HTATIP2: variants seen among roughly 807,000 people sequenced by gnomAD.
The protein encoded by HTATIP2 is protein HTATIP2.
A neutral mutation model predicts 24.7 loss-of-function variants in HTATIP2; 26 were observed. The ratio of observed to expected loss-of-function variants is 1.05; its 90% CI spans 0.77 to 1.46. The LOEUF is 1.46. Among genes scored for constraint, HTATIP2 ranks in the 40% most tolerant of loss-of-function variants. The pLI is 0.00. For synonymous variants in HTATIP2, 99 were observed against 113.2 expected (o/e 0.87, Z 0.79); for missense variants, 284 against 289.6 (o/e 0.98, Z 0.14).
At chr11:20,381,571 CAAG>C (rs1348839865) in intron 3 of HTATIP2, among the ~76,000 whole-genome samples, 1 of 151,916 alleles carries the variant, frequency 6.6e-6, no homozygotes, top group African/African-American at 2.4e-5. Context: ...ACACACAGGC[CAAG>C]AAGGAGGCGT....
chr11:20,365,202 T>A (rs897632786), intron 1 of HTATIP2, among the ~76,000 whole-genome samples: 1 of 152,124 alleles, frequency 6.6e-6, no homozygotes, highest in Non-Finnish European at 1.5e-5. Context: ...TTGGCCAGGC[T>A]GGTCTCGAAC....
In HTATIP2 at chr11:20,364,232, C is replaced by T. The variant is rs751294106; in HGVS notation, c.-6C>T. ...GACCGGCATCTGTCGATGTTATTTC[C>T]CCAGCATGGCCGAAACAGAAGCCCT... On this transcript the variant is annotated 5_prime_UTR_variant, in exon 1 of 5. Coordinates refer to ENST00000451739, the MANE Select transcript of HTATIP2 (RefSeq NM_001098522.2). 1.0e-5 allele frequency: 16 copies of T among 1,592,794 alleles called. No homozygotes were observed. The highest frequency in any genetic ancestry group is 1.4e-5 in the Non-Finnish European group (16 of 1,165,490).
Position 20,383,158 on chromosome 11 carries a change from A to T in HTATIP2, c.682A>T (p.Lys228Ter). The T allele has an allele frequency of 6.2e-7, 1 of 1,614,034 alleles. No individual in the cohort carries two copies. Among genetic ancestry groups the T allele is most frequent in the Non-Finnish European group, 8.5e-7 (1 of 1,179,988 alleles). ...RDKQMELLEN[K>*]AIHDLGKAHG... ...CAAGCAGATGGAACTGCTGGAGAAC[A>T]AGGCCATCCATGACCTGGGGAAAGC... Residue 228 changes from lysine to a stop codon, truncating the protein, a stop_gained, in exon 5 of 5, where the codon AAG becomes TAG. Coordinates refer to ENST00000451739, the MANE Select transcript of HTATIP2 (RefSeq NM_001098522.2). LOFTEE classifies it high-confidence loss of function.
At chr11:20,372,705 G>C (rs1425110458) in intron 2 of HTATIP2, among the ~76,000 whole-genome samples, 1 of 152,160 alleles carries the variant, frequency 6.6e-6, no homozygotes, top group East Asian at 1.9e-4. Context: ...TCTAAAAATT[G>C]TGTTTCTGAG....
At chr11:20,376,426 C>T in intron 2 of HTATIP2, 154 bp from the exon 3 acceptor site, 1 of 807,140 alleles carries the variant, frequency 1.2e-6, no homozygotes, top group South Asian at 1.6e-5. Context: ...GAGCCTTTCC[C>T]AGGGTCTAAG....
At position 20,382,936 on chromosome 11, in the gene HTATIP2, C is replaced by T. The variant is rs748711136; in HGVS notation, c.504-44C>T. 6 of 1,472,838 alleles carry T rather than the reference C, an allele frequency of 4.1e-6. No individual in the cohort carries two copies. The East Asian group carries it at 1.2e-4, about 30-fold the overall frequency. The allele number at this position is 1,472,838 out of a possible 1,614,324, so 91.2% of individuals were successfully genotyped here. A position where few individuals can be genotyped will look rare whatever the true frequency, so the allele number is the denominator to read the frequency against. On this transcript the variant is annotated intron_variant, in intron 4 of 4. Transcript: ENST00000451739. ...CTGTGGTCTCAGTGCAATTTACCAC[C>T]TCTTCCTCTGCTTTTCTTTCTTTTT... is the stretch of plus-strand genomic sequence containing the variant.
rs995652502 is a variant in HTATIP2, at chr11:20,364,181, G to A, written c.-57G>A. 3.9e-6 allele frequency: 6 copies of A among 1,535,546 alleles called. No individual in the cohort carries two copies. The highest frequency in any genetic ancestry group is 5.3e-6 in the Non-Finnish European group (6 of 1,138,178). ...AAACAGCCCTTGTTCCTCGGGATAA[G>A]GACTGGCAGTCCCCTGACACCCTAA... On this transcript the variant is annotated 5_prime_UTR_variant, in exon 1 of 5. Coordinates refer to ENST00000451739, the MANE Select transcript of HTATIP2 (RefSeq NM_001098522.2).
At chr11:20,382,819 C>A (rs1469473200) in intron 4 of HTATIP2, among the ~76,000 whole-genome samples, 161 bp from the exon 5 acceptor site, 1 of 112,210 alleles carries the variant, frequency 8.9e-6, no homozygotes, top group East Asian at 2.2e-4. Flanking sequence ...TAATTACTTC[C>A]CTTAATGCCT....
chr11:20,377,699 G>C (rs1194936514), intron 3 of HTATIP2, among the ~76,000 whole-genome samples: 1 of 152,140 alleles, frequency 6.6e-6, no homozygotes, highest in Admixed American at 6.5e-5. Flanking sequence ...TTACTATCTC[G>C]TTAGCCAACT....
chr11:20,382,342 T>A, intron 4 of HTATIP2, 103 bp downstream of exon 4: 1 of 689,710 alleles, frequency 1.4e-6, no homozygotes, highest in South Asian at 1.8e-5. Flanking sequence ...ATCTAAGATA[T>A]GAAAGACATT....
intron 2 of HTATIP2, among the ~76,000 whole-genome samples, chr11:20,370,860 A>C (rs2133268705): frequency 6.6e-6 from 1 of 152,292 alleles, no homozygotes; most frequent in South Asian, 2.1e-4. Context: ...CGTGTTAGCC[A>C]GGATGGTCTC....
intron 2 of HTATIP2, among the ~76,000 whole-genome samples, chr11:20,370,552 A>G (rs550459939): frequency 6.6e-6 from 1 of 152,274 alleles, no homozygotes; most frequent in African/African-American, 2.4e-5. Context: ...TTAGAACCTT[A>G]TGGCTTCTGA....
intron 1 of HTATIP2, among the ~76,000 whole-genome samples, chr11:20,366,451 G>C (rs2064707796): frequency 6.6e-6 from 1 of 152,094 alleles, no homozygotes; most frequent in Admixed American, 6.6e-5. Context: ...TGACAGTAAG[G>C]ATGGAAACCA....
chr11:20,364,302 T>G lies in HTATIP2; in HGVS notation c.65T>G (p.Phe22Cys). The part of the protein sequence containing the change: ...EDFRMQNKSV[F>C]ILGASGETGR... ...TTCAGGATGCAGAATAAATCCGTCT[T>G]TATTTTGGGCGCCAGCGGAGAAACC... The change falls in exon 1 of 5, where the codon TTT becomes TGT. Residue 22 changes from phenylalanine (F) to cysteine (C), a missense_variant. Transcript: ENST00000451739. 5.6e-6 allele frequency: 9 copies of G among 1,613,852 alleles called. No individual in the cohort carries two copies. The highest frequency in any genetic ancestry group is 7.6e-6 in the Non-Finnish European group (9 of 1,179,780).
chr11:20,370,007 T>C (rs2064754659), intron 2 of HTATIP2, among the ~76,000 whole-genome samples: 1 of 152,196 alleles, frequency 6.6e-6, no homozygotes, highest in African/African-American at 2.4e-5. Flanking sequence ...GTTCAGTCAA[T>C]GCACTGGCTC....
At position 20,382,961 on chromosome 11, in the gene HTATIP2, T is replaced by TTC; in HGVS notation, c.504-18_504-17insCT. 1.8e-6 allele frequency: 2 copies of TTC among 1,136,568 alleles called. No homozygotes were observed. The highest frequency in any genetic ancestry group is 2.5e-6 in the Non-Finnish European group (2 of 812,934). 70.4% of individuals were successfully genotyped at this position (1,136,568 alleles called of 1,614,324 possible). Reference sequence around the variant, plus strand: ...CTCTTCCTCTGCTTTTCTTTCTTTTTTTTTTTTTTTTATTTTAGAGTTCTG... The same window carrying TTC: ...CTCTTCCTCTGCTTTTCTTTCTTTTTTCTTTTTTTTTTTATTTTAGAGTTCTG... On this transcript the variant is annotated intron_variant, in intron 4 of 4. Coordinates refer to ENST00000451739, the MANE Select transcript of HTATIP2 (RefSeq NM_001098522.2).
chr11:20,371,385 A>G lies in HTATIP2; in HGVS notation c.303+4104A>G, dbSNP rs146084806. Among the ~76,000 whole-genome samples the G allele has an allele frequency of 2.3e-3, 357 of 152,206 alleles. 2 individuals are homozygous for G. Among genetic ancestry groups the G allele is most frequent in the African/African-American group, 8.3e-3 (345 of 41,520 alleles). ...TCAGAAGGAGGTGACCAGTGAACCC[A>G]CCTTCCTACTGCAAAATTCTTAAAC... On this transcript the variant is annotated intron_variant, in intron 2 of 4. Coordinates refer to ENST00000451739, the MANE Select transcript of HTATIP2 (RefSeq NM_001098522.2).
At chr11:20,380,818 A>C (rs1478139066) in intron 3 of HTATIP2, among the ~76,000 whole-genome samples, 1 of 152,218 alleles carries the variant, frequency 6.6e-6, no homozygotes. Context: ...AAAATGTGAT[A>C]TATTCATGCA....
In HTATIP2 at chr11:20,383,145, A is replaced by G. The variant is rs747027347; in HGVS notation, c.669A>G (p.Glu223=). The change falls in exon 5 of 5, where the codon GAA becomes GAG. Residue 223 remains glutamate (E), a synonymous_variant. Coordinates refer to ENST00000451739, the MANE Select transcript of HTATIP2 (RefSeq NM_001098522.2). ...TGAGACCAAGAGACAAGCAGATGGA[A>G]CTGCTGGAGAACAAGGCCATCCATG... ...NVVRPRDKQM[E]LLENKAIHDL... The G allele has an allele frequency of 1.9e-6, 3 of 1,613,878 alleles. No homozygotes were observed. In the South Asian group the frequency reaches 3.3e-5, roughly 18 times the overall value.
Sources: allele counts gnomAD v4.1 joint callset (sites outside exome capture counted in the v4.1 genomes callset), GRCh38; gene constraint gnomAD v4.1.1; transcripts MANE v1.5; gene names NCBI Gene and HGNC (gene_info 2026-07-23, HGNC 2026-07-21).